CCBE1: variants seen among roughly 807,000 people sequenced by gnomAD.
CCBE1 encodes the protein collagen and calcium binding EGF domains 1.
Under a neutral mutation model 50.0 loss-of-function variants are expected in CCBE1, and 37 were observed. That is an observed-to-expected ratio of 0.74 (90% CI 0.57 to 0.97). The LOEUF is 0.97. CCBE1 is among the 50% of genes least tolerant of loss of function. CCBE1 has a pLI of 0.00. For missense variants in CCBE1, 538 were observed against 523.8 expected, an observed-to-expected ratio of 1.03 and a Z score of -0.26; for synonymous variants, 234 against 203.7, an observed-to-expected ratio of 1.15 and a Z score of -1.27.
intron 2 of CCBE1, among the ~76,000 whole-genome samples, chr18:59,497,378 G>A (rs1913404202): frequency 6.6e-6 from 1 of 152,140 alleles, no homozygotes; most frequent in Admixed American, 6.5e-5. Flanking sequence ...AATATACTGA[G>A]CAAAGAACAT....
chr18:59,456,901 G>C (rs1262069735), intron 5 of CCBE1, among the ~76,000 whole-genome samples: 1 of 152,220 alleles, frequency 6.6e-6, no homozygotes, highest in Non-Finnish European at 1.5e-5. Context: ...GAGCTTACCT[G>C]CTGCACCACC....
chr18:59,578,731 A>G (rs2053039215), intron 2 of CCBE1, among the ~76,000 whole-genome samples: 1 of 152,172 alleles, frequency 6.6e-6, no homozygotes, highest in African/African-American at 2.4e-5. Context: ...TTTCACTTAT[A>G]AGTGGGAGTT....
chr18:59,594,311 A>G (rs753944153), intron 2 of CCBE1, among the ~76,000 whole-genome samples: 2 of 152,244 alleles, frequency 1.3e-5, no homozygotes, highest in Non-Finnish European at 2.9e-5. Context: ...TCTAATTACA[A>G]TATTTAAAAG....
intron 2 of CCBE1, among the ~76,000 whole-genome samples, chr18:59,588,566 T>C (rs1019566040): frequency 6.6e-6 from 1 of 152,212 alleles, no homozygotes; most frequent in African/African-American, 2.4e-5. Flanking sequence ...TCTTTTTGAC[T>C]GGTTTAACTC....
intron 2 of CCBE1, among the ~76,000 whole-genome samples, chr18:59,558,034 G>C (rs1053596145): frequency 1.3e-5 from 2 of 152,190 alleles, no homozygotes; most frequent in Non-Finnish European, 2.9e-5. Flanking sequence ...ACTCCCCGGA[G>C]GTGGAGCCGA....
chr18:59,607,441 C>A (rs1164284773), intron 2 of CCBE1, among the ~76,000 whole-genome samples: 5 of 152,132 alleles, frequency 3.3e-5, no homozygotes, highest in Admixed American at 1.3e-4. Context: ...AAATTTCAAA[C>A]AACAGACATA....
intron 2 of CCBE1, among the ~76,000 whole-genome samples, chr18:59,660,862 CAT>C (rs1304123028): frequency 1.3e-5 from 2 of 152,218 alleles, no homozygotes; most frequent in African/African-American, 4.8e-5. Flanking sequence ...AGGTCAACCA[CAT>C]ATTTACAAAT....
chr18:59,471,020 C>G (rs778723385), intron 3 of CCBE1, among the ~76,000 whole-genome samples: 1 of 152,238 alleles, frequency 6.6e-6, no homozygotes, highest in African/African-American at 2.4e-5. Flanking sequence ...ACGTTTCCCC[C>G]ACTTGGCATC....
intron 2 of CCBE1, among the ~76,000 whole-genome samples, chr18:59,652,985 T>C (rs2054145623): frequency 6.6e-6 from 1 of 151,302 alleles, no homozygotes; most frequent in Admixed American, 6.6e-5. Context: ...GGATTTTCAG[T>C]CCCAGTGTAG....
At chr18:59,588,061 T>C (rs2053203200) in intron 2 of CCBE1, among the ~76,000 whole-genome samples, 1 of 152,264 alleles carries the variant, frequency 6.6e-6, no homozygotes. Flanking sequence ...AATTCATCTA[T>C]AGATTGAATA....
chr18:59,481,796 G>GGTAA (rs1209531823), intron 2 of CCBE1, among the ~76,000 whole-genome samples: 1 of 152,190 alleles, frequency 6.6e-6, no homozygotes, highest in African/African-American at 2.4e-5. Context: ...GCAGACCTGT[G>GGTAA]TTAAAGGGAG....
At chr18:59,445,669 A>G (rs1192454110) in intron 7 of CCBE1, among the ~76,000 whole-genome samples, 2 of 152,174 alleles carry the variant, frequency 1.3e-5, no homozygotes, top group Non-Finnish European at 2.9e-5. Context: ...CCTACTCTTA[A>G]TACTGGTTCC....
intron 2 of CCBE1, among the ~76,000 whole-genome samples, chr18:59,503,190 C>A (rs1428021029): frequency 6.6e-6 from 1 of 152,192 alleles, no homozygotes; most frequent in Non-Finnish European, 1.5e-5. Flanking sequence ...ATGTGGAAAT[C>A]CAGTCCCCAT....
At chr18:59,528,394 T>C (rs969032116) in intron 2 of CCBE1, among the ~76,000 whole-genome samples, 2 of 152,230 alleles carry the variant, frequency 1.3e-5, no homozygotes, top group African/African-American at 4.8e-5. Context: ...TTAGCTTCTT[T>C]GCATTGGGTT....
At chr18:59,613,371 CTTA>C (rs1310497300) in intron 2 of CCBE1, among the ~76,000 whole-genome samples, 2 of 152,064 alleles carry the variant, frequency 1.3e-5, no homozygotes, top group African/African-American at 4.8e-5. Context: ...GTTGTTTTGT[CTTA>C]TTGATTTTAA....
At chr18:59,436,542 T>TGAACTGAACAGA (rs1396325673) in intron 10 of CCBE1, among the ~76,000 whole-genome samples, 2 of 152,238 alleles carry the variant, frequency 1.3e-5, no homozygotes, top group African/African-American at 2.4e-5. Context: ...TCTTAATTTC[T>TGAACTGAACAGA]TGTGGTTCAG....
intron 2 of CCBE1, among the ~76,000 whole-genome samples, chr18:59,599,563 T>A (rs1277749116): frequency 6.6e-6 from 1 of 152,220 alleles, no homozygotes; most frequent in Admixed American, 6.5e-5. Flanking sequence ...CACATTTCAT[T>A]CCTGGCCATG....
At chr18:59,576,298 T>C (rs549290106) in intron 2 of CCBE1, among the ~76,000 whole-genome samples, 1 of 152,362 alleles carries the variant, frequency 6.6e-6, no homozygotes, top group East Asian at 1.9e-4. Context: ...AGAACAGAGC[T>C]GCCAGGTCAC....
At chr18:59,438,956 C>G (rs1309787886) in intron 9 of CCBE1, among the ~76,000 whole-genome samples, 1 of 152,024 alleles carries the variant, frequency 6.6e-6, no homozygotes, top group African/African-American at 2.4e-5. Flanking sequence ...TTAAGGCCAG[C>G]CTGGGTAACA....
Sources: allele counts gnomAD v4.1 joint callset (sites outside exome capture counted in the v4.1 genomes callset), GRCh38; gene constraint gnomAD v4.1.1; transcripts MANE v1.5; gene names NCBI Gene and HGNC (gene_info 2026-07-23, HGNC 2026-07-21).